Variants in BMPR1B observed in about 807,000 individuals in gnomAD.
BMPR1B encodes bone morphogenetic protein receptor type 1B, also known as bone morphogenetic protein receptor type-1B.
BMPR1B carries 12 observed loss-of-function variants against 59.1 expected under a neutral mutation model. That is an observed-to-expected ratio of 0.20 (90% CI 0.13 to 0.33). The LOEUF (loss-of-function observed/expected upper bound fraction) is 0.33, where lower values mean the gene tolerates loss of function less well. Ranked by LOEUF, BMPR1B falls within the 10% of genes least tolerant of loss-of-function variation. The pLI is 1.00. For missense variants in BMPR1B, 550 were observed against 610.9 expected (o/e 0.90, Z 1.05); for synonymous variants, 237 against 207.3 (o/e 1.14, Z -1.23).
chr4:94,821,824 C>T (rs1724221586), intron 1 of BMPR1B, among the ~76,000 whole-genome samples: 2 of 152,254 alleles, frequency 1.3e-5, no homozygotes, highest in Non-Finnish European at 2.9e-5. Context: ...GGCTTGATTT[C>T]AGTAAATTCA....
At chr4:94,770,888 C>CAAAA (rs11292596) in intron 1 of BMPR1B, among the ~76,000 whole-genome samples, 9 of 88,296 alleles carry the variant, frequency 1.0e-4, no homozygotes, top group South Asian at 4.2e-4. Context: ...ATTAGCCCTG[C>CAAAA]AAAAAAAAAA....
chr4:94,992,190 G>A (rs1023365960), intron 2 of BMPR1B, among the ~76,000 whole-genome samples: 2 of 152,138 alleles, frequency 1.3e-5, no homozygotes. Context: ...GTTCTCTTTA[G>A]TAAGGTGTAT....
intron 3 of BMPR1B, among the ~76,000 whole-genome samples, chr4:95,100,984 C>T (rs56021875): frequency 0.014 from 2,102 of 152,086 alleles, 52 homozygotes; most frequent in African/African-American, 0.048. Context: ...TTTTCAAATA[C>T]CTATTTACCC....
At chr4:94,991,321 G>A (rs1026816727) in intron 2 of BMPR1B, among the ~76,000 whole-genome samples, 7 of 152,114 alleles carry the variant, frequency 4.6e-5, no homozygotes, top group East Asian at 1.9e-4. Context: ...CTTTATTGGC[G>A]TGTTGCTCAT....
chr4:95,047,424 G>A (rs1226888512), intron 3 of BMPR1B, among the ~76,000 whole-genome samples: 1 of 152,162 alleles, frequency 6.6e-6, no homozygotes, highest in Non-Finnish European at 1.5e-5. Context: ...CTGAAATGGA[G>A]TTGGCCTGAT....
chr4:94,927,951 A>G lies in BMPR1B; in HGVS notation c.-113+52051A>G, dbSNP rs28464868. Among the ~76,000 whole-genome samples, 1,124 of 152,222 alleles carry G rather than the reference A, an allele frequency of 7.4e-3. 16 individuals carry two copies. Among genetic ancestry groups the G allele is most frequent in the African/African-American group, 0.026 (1,077 of 41,550 alleles). On this transcript the variant is annotated intron_variant, in intron 2 of 12. Coordinates refer to ENST00000515059, the MANE Select transcript of BMPR1B (RefSeq NM_001203.3). Reference sequence around the variant, plus strand: ...GGCAGCTAATTGGATATGGAGGATGATAACACCAAAGTTTTGAGGCTGAGT... The same window carrying G: ...GGCAGCTAATTGGATATGGAGGATGGTAACACCAAAGTTTTGAGGCTGAGT...
At chr4:94,777,921 G>A (rs1175135181) in intron 1 of BMPR1B, among the ~76,000 whole-genome samples, 2 of 151,958 alleles carry the variant, frequency 1.3e-5, no homozygotes, top group Non-Finnish European at 1.5e-5. Flanking sequence ...AGCTACTGGA[G>A]AGGCTGAGAC....
chr4:95,069,336 T>A (rs1560630301), intron 3 of BMPR1B, among the ~76,000 whole-genome samples: 2 of 152,176 alleles, frequency 1.3e-5, no homozygotes, highest in African/African-American at 4.8e-5. Flanking sequence ...GAAGATCTGT[T>A]CCCCATTTCT....
intron 2 of BMPR1B, among the ~76,000 whole-genome samples, chr4:94,976,098 G>A (rs968372752): frequency 1.3e-5 from 2 of 152,218 alleles, no homozygotes; most frequent in Non-Finnish European, 2.9e-5. Context: ...TGAAGTAGCT[G>A]GGGCTAGTCA....
At chr4:94,800,598 C>T (rs1723370493) in intron 1 of BMPR1B, among the ~76,000 whole-genome samples, 2 of 152,014 alleles carry the variant, frequency 1.3e-5, no homozygotes, top group African/African-American at 4.8e-5. Context: ...TGGCTTGCCC[C>T]TGCATTTCTT....
At chr4:94,856,014 C>T (rs911839095) in intron 1 of BMPR1B, among the ~76,000 whole-genome samples, 1 of 152,060 alleles carries the variant, frequency 6.6e-6, no homozygotes, top group African/African-American at 2.4e-5. Flanking sequence ...TGCTAAAAGA[C>T]CAGTGAAGGC....
At position 94,919,116 on chromosome 4, in the gene BMPR1B, C is replaced by T. The variant is rs531891729; in HGVS notation, c.-113+43216C>T. ...ATTTCTTCTTCTTGTTTCGAGGCCT[C>T]TGCTACCCCACCAACTCTTTCAACA... is the stretch of plus-strand genomic sequence containing the variant. On this transcript the variant is annotated intron_variant, in intron 2 of 12. Coordinates refer to ENST00000515059, the MANE Select transcript of BMPR1B (RefSeq NM_001203.3). Among the ~76,000 whole-genome samples the T allele has an allele frequency of 2.0e-5, 3 of 152,216 alleles. No individual in the cohort carries two copies. The East Asian group carries it at 5.8e-4, about 29-fold the overall frequency.
At chr4:95,084,917 T>G (rs1227985546) in intron 3 of BMPR1B, among the ~76,000 whole-genome samples, 1 of 152,180 alleles carries the variant, frequency 6.6e-6, no homozygotes, top group Non-Finnish European at 1.5e-5. Flanking sequence ...TAGCTAGAGC[T>G]AGAAATCATG....
At chr4:94,878,456 A>G (rs1437805631) in intron 2 of BMPR1B, among the ~76,000 whole-genome samples, 3 of 152,234 alleles carry the variant, frequency 2.0e-5, no homozygotes, top group Non-Finnish European at 2.9e-5. Context: ...TGAATTGGTC[A>G]TTTCAAAGTA....
chr4:94,991,187 A>G (rs1307104433), intron 2 of BMPR1B, among the ~76,000 whole-genome samples: 1 of 151,674 alleles, frequency 6.6e-6, no homozygotes, highest in East Asian at 1.9e-4. Flanking sequence ...CCTTCTACTG[A>G]CCTCATAATT....
chr4:94,806,855 T>G (rs185997165), intron 1 of BMPR1B, among the ~76,000 whole-genome samples: 42 of 152,070 alleles, frequency 2.8e-4, no homozygotes, highest in African/African-American at 9.9e-4. Flanking sequence ...GCTTCTTGTG[T>G]TTTTTTGGCA....
intron 2 of BMPR1B, among the ~76,000 whole-genome samples, chr4:94,933,257 A>C (rs192989747): frequency 1.6e-4 from 24 of 152,156 alleles, no homozygotes; most frequent in Admixed American, 1.4e-3. Context: ...AAAACATGGC[A>C]CTTAACGACT....
At chr4:94,885,206 A>G (rs1334638960) in intron 2 of BMPR1B, among the ~76,000 whole-genome samples, 1 of 152,166 alleles carries the variant, frequency 6.6e-6, no homozygotes, top group Non-Finnish European at 1.5e-5. Flanking sequence ...CTCATGAGCA[A>G]TTAATGTTTG....
chr4:94,993,336 C>A (rs923806676), intron 2 of BMPR1B, among the ~76,000 whole-genome samples: 6 of 152,180 alleles, frequency 3.9e-5, no homozygotes, highest in African/African-American at 1.4e-4. Flanking sequence ...TTATTCATAA[C>A]ACTCTTTCTC....
Sources: allele counts gnomAD v4.1 joint callset (sites outside exome capture counted in the v4.1 genomes callset), GRCh38; gene constraint gnomAD v4.1.1; transcripts MANE v1.5; gene names NCBI Gene and HGNC (gene_info 2026-07-23, HGNC 2026-07-21).